The following RBFOX1 variants were observed in gnomAD, a reference collection of about 807,000 sequenced individuals.
RBFOX1 encodes RNA binding protein fox-1 homolog 1.
RBFOX1 carries 8 observed loss-of-function variants against 57.7 expected under a neutral mutation model. The ratio of observed to expected loss-of-function variants is 0.14; its 90% CI spans 0.08 to 0.25. RBFOX1 has a LOEUF of 0.25. RBFOX1 is among the 10% of genes least tolerant of loss of function. The pLI is 1.00. For synonymous variants in RBFOX1, 326 were observed against 222.4 expected (o/e 1.47, Z -4.15); for missense variants, 611 against 548.5 (o/e 1.11, Z -1.14).
chr16:6,745,627 G>A (rs73543692), intron 3 of RBFOX1, among the ~76,000 whole-genome samples: 1 of 152,238 alleles, frequency 6.6e-6, no homozygotes, highest in East Asian at 1.9e-4. Flanking sequence ...AGCTCAGCAA[G>A]AATAGAAGAT....
chr16:7,326,842 A>G (rs1465570882), intron 4 of RBFOX1, among the ~76,000 whole-genome samples: 1 of 152,184 alleles, frequency 6.6e-6, no homozygotes, highest in African/African-American at 2.4e-5. Flanking sequence ...TTGGAAACAT[A>G]GGTAGCTCTC....
At chr16:5,289,340 C>G (rs1361103433) in intron 1 of RBFOX1, 2 of 406,510 alleles carry the variant, frequency 4.9e-6, no homozygotes, top group South Asian at 3.1e-5. Context: ...ACTGGCATCA[C>G]CCCAGGAGGA....
intron 4 of RBFOX1, among the ~76,000 whole-genome samples, chr16:5,915,083 C>T (rs2058677014): frequency 6.6e-6 from 1 of 152,078 alleles, no homozygotes; most frequent in Non-Finnish European, 1.5e-5. Context: ...GGGTAGAACA[C>T]CAGGAGGTGG....
intron 3 of RBFOX1, among the ~76,000 whole-genome samples, chr16:6,898,020 C>T (rs1310385595): frequency 6.6e-6 from 1 of 152,130 alleles, no homozygotes; most frequent in South Asian, 2.1e-4. Context: ...GACAAGAGAC[C>T]AGGTCAGGTT....
At chr16:7,685,163 C>A (rs2075787029) in intron 14 of RBFOX1, among the ~76,000 whole-genome samples, 1 of 151,978 alleles carries the variant, frequency 6.6e-6, no homozygotes, top group Non-Finnish European at 1.5e-5. Context: ...TTTGAGAAGC[C>A]CCACTTTAGA....
In RBFOX1 at chr16:6,907,066, A is replaced by G. The variant is rs751155345; in HGVS notation, c.-15-144991A>G. On this transcript the variant is annotated intron_variant, in intron 3 of 15. Transcript: ENST00000550418. ...AACATAATAATTGTTTATGATCTCC[A>G]TGTCATCTCCGTATTCCAAGGATTC... Among the ~76,000 whole-genome samples, 3 of 152,064 alleles carry G rather than the reference A, an allele frequency of 2.0e-5. 1 individual carries two copies. Among genetic ancestry groups the G allele is most frequent in the Admixed American group, 1.3e-4 (2 of 15,262 alleles).
chr16:5,491,260 C>A (rs1020275007), intron 2 of RBFOX1, among the ~76,000 whole-genome samples: 1 of 152,154 alleles, frequency 6.6e-6, no homozygotes, highest in African/African-American at 2.4e-5. Context: ...ACTTGAAGAA[C>A]TGGAATATTA....
intron 2 of RBFOX1, among the ~76,000 whole-genome samples, chr16:5,577,304 T>C (rs929748164): frequency 5.9e-5 from 9 of 152,162 alleles, no homozygotes; most frequent in African/African-American, 2.2e-4. Context: ...AGCAGCATTG[T>C]AGTGGGATCA....
chr16:6,912,815 C>G (rs1002201226), intron 3 of RBFOX1, among the ~76,000 whole-genome samples: 1 of 151,832 alleles, frequency 6.6e-6, no homozygotes, highest in African/African-American at 2.4e-5. Flanking sequence ...AGACTTTGTC[C>G]CACTGTGTTG....
intron 4 of RBFOX1, among the ~76,000 whole-genome samples, chr16:7,218,099 C>T (rs184774159): frequency 1.3e-5 from 2 of 151,074 alleles, no homozygotes; most frequent in East Asian, 2.0e-4. Flanking sequence ...GTGTGTGTGC[C>T]CCTGAGTAGA....
At chr16:5,868,535 T>C (rs1287899231) in intron 4 of RBFOX1, among the ~76,000 whole-genome samples, 1 of 152,176 alleles carries the variant, frequency 6.6e-6, no homozygotes, top group East Asian at 1.9e-4. Flanking sequence ...TGCAAACACC[T>C]AAGGGGAGAT....
At chr16:7,542,648 A>T (rs2083258149) in intron 5 of RBFOX1, among the ~76,000 whole-genome samples, 1 of 138,560 alleles carries the variant, frequency 7.2e-6, no homozygotes, top group African/African-American at 2.7e-5. Context: ...TGAAGCCAGG[A>T]GTTTGAGACT....
chr16:6,053,382 G>A (rs2095576653), intron 1 of RBFOX1, among the ~76,000 whole-genome samples: 1 of 152,194 alleles, frequency 6.6e-6, no homozygotes, highest in Non-Finnish European at 1.5e-5. Context: ...AGAATGGATT[G>A]TATTGGACAG....
At chr16:5,717,349 T>A (rs760887786) in intron 3 of RBFOX1, among the ~76,000 whole-genome samples, 8 of 151,568 alleles carry the variant, frequency 5.3e-5, no homozygotes, top group African/African-American at 1.9e-4. Context: ...AATACAGATT[T>A]AAAAAAAAAT....
chr16:7,676,038 A>T (rs1056434235), intron 13 of RBFOX1, among the ~76,000 whole-genome samples: 2 of 152,258 alleles, frequency 1.3e-5, no homozygotes, highest in Non-Finnish European at 2.9e-5. Flanking sequence ...ACTGGTACAT[A>T]CAACTAAATG....
chr16:7,409,544 T>C (rs553788229), intron 4 of RBFOX1, among the ~76,000 whole-genome samples: 3 of 152,240 alleles, frequency 2.0e-5, no homozygotes, highest in Non-Finnish European at 4.4e-5. Context: ...TATTTTGCAC[T>C]ATCCTAAGCA....
chr16:6,939,726 G>C (rs556006955), intron 3 of RBFOX1, among the ~76,000 whole-genome samples: 1 of 152,036 alleles, frequency 6.6e-6, no homozygotes, highest in African/African-American at 2.4e-5. Flanking sequence ...TGGCCGGGCT[G>C]GTCTCAGACT....
In RBFOX1 at chr16:6,044,136, G is replaced by A. The variant is rs565177859; in HGVS notation, c.-127+24144G>A. ...GACCTTGACTGATACAGTGACTGAGGGTAGTCATATTTGAAGTTAAAACAG... is the reference window on the plus strand; with the variant it reads ...GACCTTGACTGATACAGTGACTGAGAGTAGTCATATTTGAAGTTAAAACAG... On this transcript the variant is annotated intron_variant, in intron 1 of 15. Transcript: ENST00000550418. 1.1e-4 allele frequency among the ~76,000 whole-genome samples: 17 copies of A among 152,142 alleles called. 1 individual carries two copies. The highest frequency in any genetic ancestry group is 6.5e-4 in the Admixed American group (10 of 15,286).
At chr16:6,117,168 G>A (rs2096505343) in intron 1 of RBFOX1, among the ~76,000 whole-genome samples, 1 of 152,118 alleles carries the variant, frequency 6.6e-6, no homozygotes, top group African/African-American at 2.4e-5. Flanking sequence ...CCAAATGAAC[G>A]GGATTCCCTG....
Sources: allele counts gnomAD v4.1 joint callset (sites outside exome capture counted in the v4.1 genomes callset), GRCh38; gene constraint gnomAD v4.1.1; transcripts MANE v1.5; gene names NCBI Gene and HGNC (gene_info 2026-07-23, HGNC 2026-07-21).